The following SPECC1L variants were observed in gnomAD, a reference collection of about 807,000 sequenced individuals.
SPECC1L encodes cytospin-A.
In SPECC1L, 40 loss-of-function variants were observed where a neutral mutation model predicts 116.8. That is an observed-to-expected ratio of 0.34 (90% CI 0.27 to 0.45). The LOEUF (loss-of-function observed/expected upper bound fraction) is 0.45. SPECC1L is among the 20% of genes least tolerant of loss of function. The pLI is 1.00. For missense variants in SPECC1L, 1,110 were observed against 1,373.6 expected (o/e 0.81, Z 3.03); for synonymous variants, 504 against 500.6 (o/e 1.01, Z -0.09).
At chr22:24,377,952 A>C (rs1471013478) in intron 14 of SPECC1L, among the ~76,000 whole-genome samples, 1 of 152,218 alleles carries the variant, frequency 6.6e-6, no homozygotes, top group Non-Finnish European at 1.5e-5. Flanking sequence ...CCAGCTGCTT[A>C]GGCCCTAATG....
chr22:24,374,307 A>T (rs1158595051), intron 14 of SPECC1L, among the ~76,000 whole-genome samples: 5 of 152,088 alleles, frequency 3.3e-5, no homozygotes, highest in Non-Finnish European at 7.4e-5. Context: ...ATGCTGCTAT[A>T]AAGACACATG....
chr22:24,354,884 T>C (rs1033211530), intron 11 of SPECC1L, among the ~76,000 whole-genome samples: 2 of 151,798 alleles, frequency 1.3e-5, no homozygotes, highest in African/African-American at 4.8e-5. Context: ...TCTCATGACC[T>C]TGTGATTCAC....
intron 11 of SPECC1L, among the ~76,000 whole-genome samples, chr22:24,355,455 C>A (rs2041513077): frequency 6.6e-6 from 1 of 151,844 alleles, no homozygotes; most frequent in African/African-American, 2.4e-5. Flanking sequence ...ACCTACCTAT[C>A]CACCCACCCA....
intron 14 of SPECC1L, among the ~76,000 whole-genome samples, chr22:24,372,512 A>G (rs867567999): frequency 1.5e-4 from 23 of 152,242 alleles, no homozygotes; most frequent in African/African-American, 5.3e-4. Context: ...AAACAGAACC[A>G]GTGACAAAAA....
chr22:24,381,781 G>A (rs1476731067), intron 14 of SPECC1L, among the ~76,000 whole-genome samples: 3 of 152,206 alleles, frequency 2.0e-5, no homozygotes, highest in East Asian at 1.9e-4. Context: ...CTACTCGGGA[G>A]GCTAAGGCAG....
At chr22:24,273,515 A>G (rs1045544104) in intron 1 of SPECC1L, among the ~76,000 whole-genome samples, 9 of 152,194 alleles carry the variant, frequency 5.9e-5, no homozygotes, top group African/African-American at 1.9e-4. Context: ...AGTTATTGTG[A>G]TTTTTAAAAA....
At position 24,321,344 on chromosome 22, in the gene SPECC1L, A is replaced by G. The variant is rs753391082; in HGVS notation, c.364A>G (p.Thr122Ala). 44 of 1,614,140 alleles carry G rather than the reference A, an allele frequency of 2.7e-5. No individual in the cohort carries two copies. The South Asian group carries it at 3.6e-4, about 13-fold the overall frequency. The change falls in exon 5 of 17, where the codon ACT (threonine) becomes GCT (alanine). Residue 122 changes from threonine (T) to alanine (A), a missense_variant. By Grantham distance (58) the Thr-to-Ala change is moderately conservative (BLOSUM62 0). Coordinates refer to ENST00000314328, the MANE Select transcript of SPECC1L (RefSeq NM_015330.6). ...TACAGGTAATAAAGAATCCAGTTCT[A>G]CTAGAGAAAGATTACGTGAACGTAC... ...TSTGNKESSS[T>A]RERLRERTRL... is the part of the protein sequence containing the mutation.
chr22:24,341,050 C>G (rs971410592), intron 10 of SPECC1L, among the ~76,000 whole-genome samples: 26 of 152,074 alleles, frequency 1.7e-4, no homozygotes, highest in African/African-American at 5.8e-4. Context: ...TTCCTGGAGG[C>G]AATTTCCAGG....
At position 24,414,664 on chromosome 22, in the gene SPECC1L, C is replaced by T; in HGVS notation, c.*41C>T. On this transcript the variant is annotated 3_prime_UTR_variant, in exon 17 of 17. Transcript: ENST00000314328. ...CCGCCCCAATAGCGGGGGTACCCCTCCACAGCGACCGAGCGACACCGACGC... is the reference window on the plus strand; with the variant it reads ...CCGCCCCAATAGCGGGGGTACCCCTTCACAGCGACCGAGCGACACCGACGC... 1 of 1,575,368 alleles carries T rather than the reference C, an allele frequency of 6.3e-7. No individual in the cohort carries two copies. The highest frequency in any genetic ancestry group is 8.7e-7 in the Non-Finnish European group (1 of 1,146,434).
At chr22:24,314,668 C>T (rs574049405) in intron 4 of SPECC1L, among the ~76,000 whole-genome samples, 16 of 152,222 alleles carry the variant, frequency 1.1e-4, no homozygotes, top group African/African-American at 3.4e-4. Context: ...TATCGTAATA[C>T]CCCCATGATG....
chr22:24,349,699 G>T (rs2099443), intron 11 of SPECC1L, among the ~76,000 whole-genome samples: 84,209 of 151,856 alleles, frequency 0.55, 23,699 homozygotes, highest in African/African-American at 0.64. Context: ...CTTAACTCCC[G>T]TCTTCATCTT....
At chr22:24,321,089 T>C (rs146706458) in intron 4 of SPECC1L, among the ~76,000 whole-genome samples, 199 bp from the exon 5 acceptor site, 203 of 152,356 alleles carry the variant, frequency 1.3e-3, no homozygotes, top group African/African-American at 4.6e-3. Context: ...TTATTTCTCC[T>C]TGATAATTAA....
rs567091326 is a variant in SPECC1L, at chr22:24,361,841, AAAG to A, written c.2744-1409_2744-1407del. Among the ~76,000 whole-genome samples, 556 of 152,012 alleles carry A rather than the reference AAAG, an allele frequency of 3.7e-3. 7 individuals are homozygous for A. The highest frequency in any genetic ancestry group is 0.01 in the Middle Eastern group (3 of 292). On this transcript the variant is annotated intron_variant, in intron 11 of 16. Coordinates refer to ENST00000314328, the MANE Select transcript of SPECC1L (RefSeq NM_015330.6). ...AAAAAACAAAAAACGAGAGAGAGAG[AAAG>A]AAGAAGAAGAGGAAGAGGAAGGAGG...
chr22:24,374,361 T>G (rs1309923052), intron 14 of SPECC1L, among the ~76,000 whole-genome samples: 5 of 151,938 alleles, frequency 3.3e-5, no homozygotes, highest in Admixed American at 1.3e-4. Context: ...AGCAAAGACT[T>G]GGAACCAAGC....
chr22:24,333,084 C>T (rs982852014), intron 8 of SPECC1L, among the ~76,000 whole-genome samples: 5 of 152,016 alleles, frequency 3.3e-5, no homozygotes, highest in Admixed American at 6.6e-5. Context: ...CAAAATTAGC[C>T]GGGGGTGGTG....
At chr22:24,385,040 G>A (rs1007851680) in intron 14 of SPECC1L, among the ~76,000 whole-genome samples, 39 of 149,390 alleles carry the variant, frequency 2.6e-4, no homozygotes, top group Non-Finnish European at 4.9e-4. Context: ...TCCACCCTGG[G>A]GCACAAAGCG....
chr22:24,336,413 TAA>T (rs2041057942), intron 9 of SPECC1L, among the ~76,000 whole-genome samples: 1 of 152,014 alleles, frequency 6.6e-6, no homozygotes, highest in Non-Finnish European at 1.5e-5. Flanking sequence ...CACCTCTGGG[TAA>T]TATGATGGGG....
At chr22:24,399,611 A>G (rs1168120154) in intron 14 of SPECC1L, among the ~76,000 whole-genome samples, 1 of 152,164 alleles carries the variant, frequency 6.6e-6, no homozygotes, top group Non-Finnish European at 1.5e-5. Flanking sequence ...TTAAATCCAA[A>G]ACATACTATA....
In SPECC1L at chr22:24,322,503, A is replaced by T; in HGVS notation, c.1523A>T (p.Gln508Leu). The change falls in exon 5 of 17, where the codon CAG becomes CTG. Residue 508 changes from glutamine to leucine, a missense_variant. Physicochemically the swap from Gln to Leu is moderately radical, Grantham distance 113. This residue lies in a region of SPECC1L where 575 missense variants were observed against 682.4 expected (regional missense o/e 0.84). Coordinates refer to ENST00000314328, the MANE Select transcript of SPECC1L (RefSeq NM_015330.6). ...GAGAATGCCCGTTTTGAACGGGAGC[A>T]GCTTCTTGGTGTCCAGCAGCATTTA... Reference protein sequence around the residue: ...LAENARFEREQLLGVQQHLSN... With the variant: ...LAENARFERELLLGVQQHLSN... The T allele has an allele frequency of 6.2e-7, 1 of 1,614,178 alleles. No homozygotes were observed.
Sources: gnomAD v4.1 joint callset for allele counts (sites outside exome capture counted in the v4.1 genomes callset) on GRCh38, gnomAD v4.1.1 for gene constraint, gnomAD v4.1.1 regional missense constraint, MANE v1.5 for transcripts, NCBI Gene and HGNC (gene_info 2026-07-23, HGNC 2026-07-21) for gene names.